Variants in GNG2 observed in about 807,000 individuals in gnomAD.
GNG2 encodes G protein subunit gamma 2.
In GNG2, 5 loss-of-function variants were observed where a neutral mutation model predicts 5.5. That is an observed-to-expected ratio of 0.91 (90% CI 0.48 to 1.92). The LOEUF (loss-of-function observed/expected upper bound fraction) is 1.92. Ranked by LOEUF, GNG2 falls within the 30% of genes most tolerant of loss-of-function variation. The probability of loss-of-function intolerance (pLI) is 0.01; values close to 1 mark genes in which losing one functional copy is unlikely to be tolerated. For missense variants in GNG2, 55 were observed against 88.4 expected (o/e 0.62, Z 1.52); for synonymous variants, 28 against 32.0 (o/e 0.88, Z 0.42).
At chr14:51,855,172 CG>C (rs1882100200) in intron 2 of GNG2, among the ~76,000 whole-genome samples, 1 of 152,204 alleles carries the variant, frequency 6.6e-6, no homozygotes, top group Non-Finnish European at 1.5e-5. Context: ...TGGGGGGCTT[CG>C]CACTACTGGC....
intron 2 of GNG2, among the ~76,000 whole-genome samples, chr14:51,928,076 G>T (rs1887439630): frequency 7.3e-6 from 1 of 137,854 alleles, no homozygotes. Context: ...CGTCATCCAG[G>T]CTCGACTGCA....
upstream of GNG2, among the ~76,000 whole-genome samples, chr14:51,855,795 C>G (rs1882128611): frequency 6.7e-6 from 1 of 149,634 alleles, no homozygotes; most frequent in African/African-American, 2.4e-5. Flanking sequence ...TGATAGGAAA[C>G]AGAGAGAGAG....
chr14:51,959,479 G>A (rs142067432), intron 3 of GNG2, among the ~76,000 whole-genome samples: 8 of 152,046 alleles, frequency 5.3e-5, no homozygotes, highest in Non-Finnish European at 1.0e-4. Flanking sequence ...GAAAATCCTG[G>A]TGATTCTACA....
intron 2 of GNG2, among the ~76,000 whole-genome samples, chr14:51,854,504 T>G (rs1034732059): frequency 4.6e-5 from 7 of 152,000 alleles, no homozygotes; most frequent in African/African-American, 1.7e-4. Flanking sequence ...TTTAAATTTT[T>G]TCTTTGTTTT....
At chr14:51,938,264 G>A (rs1888127483) in intron 2 of GNG2, among the ~76,000 whole-genome samples, 1 of 152,216 alleles carries the variant, frequency 6.6e-6, no homozygotes, top group Non-Finnish European at 1.5e-5. Context: ...TAGAGTCACA[G>A]TTGGTTGTAT....
At chr14:51,905,773 C>T (rs1438782638) in intron 2 of GNG2, among the ~76,000 whole-genome samples, 1 of 151,994 alleles carries the variant, frequency 6.6e-6, no homozygotes, top group Non-Finnish European at 1.5e-5. Flanking sequence ...GAAGTTTCCC[C>T]CATCCTGTTG....
At chr14:51,827,104 T>A (rs1881049051) in intron 1 of GNG2, among the ~76,000 whole-genome samples, 1 of 152,208 alleles carries the variant, frequency 6.6e-6, no homozygotes, top group South Asian at 2.1e-4. Context: ...CAAACTTACC[T>A]GTATGTAGAA....
upstream of GNG2, among the ~76,000 whole-genome samples, chr14:51,857,324 A>G (rs1184335710): frequency 6.6e-6 from 1 of 152,240 alleles, no homozygotes; most frequent in Non-Finnish European, 1.5e-5. Flanking sequence ...GCATGTGCCA[A>G]GATGCAGGGA....
chr14:51,952,543 CT>C (rs1197821943), intron 3 of GNG2, among the ~76,000 whole-genome samples: 1 of 152,190 alleles, frequency 6.6e-6, no homozygotes, highest in African/African-American at 2.4e-5. Flanking sequence ...GAAAATACCA[CT>C]TTGACTTTTG....
At chr14:51,871,388 A>G (rs1194544440) in intron 1 of GNG2, among the ~76,000 whole-genome samples, 1 of 151,868 alleles carries the variant, frequency 6.6e-6, no homozygotes, top group Non-Finnish European at 1.5e-5. Flanking sequence ...ATCATAAAAT[A>G]CTGAAGTGTA....
chr14:51,950,499 G>A, intron 2 of GNG2, 151 bp from the exon 3 acceptor site: 1 of 548,856 alleles, frequency 1.8e-6, no homozygotes, highest in Non-Finnish European at 3.2e-6. Context: ...CTGCCTGCCA[G>A]TCAGAGGTAA....
At chr14:51,888,102 G>T (rs1395242090) in intron 2 of GNG2, among the ~76,000 whole-genome samples, 2 of 152,094 alleles carry the variant, frequency 1.3e-5, no homozygotes, top group Non-Finnish European at 2.9e-5. Context: ...ACAAGATAAT[G>T]AACGTATTCA....
rs1415973275 is a variant in GNG2 at position 51,940,215 on chromosome 14, G to C, written c.-29-10435G>C. The C allele has an allele frequency of 2.1e-5, 3 of 140,538 alleles. No individual in the cohort carries two copies. In the East Asian group the frequency reaches 5.8e-4, roughly 27 times the overall value. 8.7% of individuals were successfully genotyped at this position (140,538 alleles called of 1,614,324 possible). The stretch of plus-strand genomic sequence containing the variant: ...GTGGGGAGGCACTTGGAAGGCTCCT[G>C]TTTTGTTTTGTTTTGTTGACAAATT... On this transcript the variant is annotated intron_variant, in intron 2 of 3. Transcript: ENST00000556766.
chr14:51,932,483 G>A (rs1274441607), intron 2 of GNG2, among the ~76,000 whole-genome samples: 5 of 151,898 alleles, frequency 3.3e-5, no homozygotes, highest in African/African-American at 1.2e-4. Context: ...ATTGTGACTG[G>A]GCTGGGTGTA....
rs58544362 is a variant in GNG2 at position 51,881,701 on chromosome 14, C to CTTT, written c.-30+4065_-30+4067dup. Among the ~76,000 whole-genome samples, 969 of 104,144 alleles carry CTTT rather than the reference C, an allele frequency of 9.3e-3. 13 individuals are homozygous for CTTT. The highest frequency in any genetic ancestry group is 0.01 in the South Asian group (30 of 2,858). The allele number at this position is 104,144 out of a possible 152,430, so 68.3% of individuals were successfully genotyped here. A position where few individuals can be genotyped will look rare whatever the true frequency, so the allele number is the denominator to read the frequency against. ...CATTTGACTTTTAGGAGCTGGAAGA[C>CTTT]TTTTTTTTTTTTTTTTTTTTTTTAA... On this transcript the variant is annotated intron_variant, in intron 2 of 3. Coordinates refer to ENST00000556766, the MANE Select transcript of GNG2 (RefSeq NM_053064.5).
chr14:51,928,724 T>A (rs1310620967), intron 2 of GNG2, among the ~76,000 whole-genome samples: 1 of 152,190 alleles, frequency 6.6e-6, no homozygotes, highest in Admixed American at 6.5e-5. Flanking sequence ...CCACCTCCAA[T>A]CACTTTTGGC....
chr14:51,910,360 G>A (rs2140200259), intron 2 of GNG2, among the ~76,000 whole-genome samples: 1 of 152,292 alleles, frequency 6.6e-6, no homozygotes, highest in Admixed American at 6.5e-5. Context: ...GTGGTCAGAG[G>A]GAGTCACAGC....
At chr14:51,835,140 T>G (rs1881296599) in intron 2 of GNG2, among the ~76,000 whole-genome samples, 1 of 152,166 alleles carries the variant, frequency 6.6e-6, no homozygotes, top group African/African-American at 2.4e-5. Flanking sequence ...TAACCTGATG[T>G]TTATGAATGG....
intron 2 of GNG2, among the ~76,000 whole-genome samples, chr14:51,881,701 C>CTTTTTTTTTT (rs58544362): frequency 9.6e-6 from 1 of 104,220 alleles, no homozygotes; most frequent in African/African-American, 3.7e-5. Flanking sequence ...AGCTGGAAGA[C>CTTTTTTTTTT]TTTTTTTTTT....
Sources: gnomAD v4.1 joint callset for allele counts (sites outside exome capture counted in the v4.1 genomes callset) on GRCh38, gnomAD v4.1.1 for gene constraint, MANE v1.5 for transcripts, NCBI Gene and HGNC (gene_info 2026-07-23, HGNC 2026-07-21) for gene names.